Variants in ZFPM2 observed in about 807,000 individuals in gnomAD.
ZFPM2 encodes zinc finger protein ZFPM2.
A neutral mutation model predicts 98.6 loss-of-function variants in ZFPM2; 20 were observed. The ratio of observed to expected loss-of-function variants is 0.20; its 90% CI spans 0.14 to 0.29. The LOEUF is 0.29. Among genes scored for constraint, ZFPM2 ranks in the 10% least tolerant of loss-of-function variants. The pLI is 1.00. For synonymous variants in ZFPM2, 518 were observed against 502.7 expected (o/e 1.03, Z -0.41); for missense variants, 1,310 against 1,388.6 (o/e 0.94, Z 0.90).
chr8:105,364,491 T>A (rs1810471362), intron 1 of ZFPM2, among the ~76,000 whole-genome samples: 1 of 152,018 alleles, frequency 6.6e-6, no homozygotes, highest in Non-Finnish European at 1.5e-5. Context: ...TTAGTAAAGA[T>A]CTTATATTCA....
At chr8:105,557,246 T>C (rs2130686622) in intron 3 of ZFPM2, among the ~76,000 whole-genome samples, 1 of 152,282 alleles carries the variant, frequency 6.6e-6, no homozygotes, top group East Asian at 1.9e-4. Flanking sequence ...TGATATACTC[T>C]TTAATCCTAT....
intron 3 of ZFPM2, among the ~76,000 whole-genome samples, chr8:105,458,560 A>C (rs1812643112): frequency 6.6e-6 from 1 of 152,240 alleles, no homozygotes; most frequent in Non-Finnish European, 1.5e-5. Flanking sequence ...TCAGGGATGG[A>C]GACATGTTGC....
intron 1 of ZFPM2, among the ~76,000 whole-genome samples, chr8:105,349,709 C>G (rs1335488887): frequency 6.6e-6 from 1 of 152,148 alleles, no homozygotes; most frequent in Non-Finnish European, 1.5e-5. Context: ...TTGATGTGTA[C>G]TGACCCCAAT....
chr8:105,600,363 C>T (rs1342228250), intron 4 of ZFPM2, among the ~76,000 whole-genome samples: 1 of 151,794 alleles, frequency 6.6e-6, no homozygotes, highest in Non-Finnish European at 1.5e-5. Context: ...AGTTTATAAA[C>T]CAAGAGAAAG....
At chr8:105,643,540 G>A (rs1586169554) in intron 5 of ZFPM2, among the ~76,000 whole-genome samples, 1 of 152,040 alleles carries the variant, frequency 6.6e-6, no homozygotes, top group East Asian at 1.9e-4. Context: ...GAAGTACCTA[G>A]AATAGTGTCT....
intron 4 of ZFPM2, among the ~76,000 whole-genome samples, chr8:105,601,987 G>T (rs1285281045): frequency 6.6e-6 from 1 of 152,028 alleles, no homozygotes; most frequent in African/African-American, 2.4e-5. Flanking sequence ...ATTTGTTATG[G>T]CCTCTGATTT....
At chr8:105,472,888 CCTTT>C (rs1403807692) in intron 3 of ZFPM2, among the ~76,000 whole-genome samples, 15 of 110,402 alleles carry the variant, frequency 1.4e-4, no homozygotes, top group African/African-American at 4.6e-4. Context: ...CCTAAAGGGA[CCTTT>C]TTTTTTTTTT....
chr8:105,713,655 G>T (rs1311187032), intron 5 of ZFPM2, among the ~76,000 whole-genome samples: 1 of 151,952 alleles, frequency 6.6e-6, no homozygotes, highest in Non-Finnish European at 1.5e-5. Context: ...TGTGGTGAGA[G>T]GTAGGCATCC....
chr8:105,487,226 C>G (rs1813247396), intron 3 of ZFPM2, among the ~76,000 whole-genome samples: 1 of 152,180 alleles, frequency 6.6e-6, no homozygotes, highest in Non-Finnish European at 1.5e-5. Context: ...GATCCTCCCA[C>G]CGCAGCCTCC....
intron 4 of ZFPM2, among the ~76,000 whole-genome samples, chr8:105,580,819 CTCTCTCTCTA>C (rs1482260589): frequency 1.7e-5 from 2 of 114,972 alleles, no homozygotes; most frequent in Non-Finnish European, 3.5e-5. Context: ...CTCTCTCTCT[CTCTCTCTCTA>C]TATATATATA....
intron 1 of ZFPM2, among the ~76,000 whole-genome samples, chr8:105,380,409 C>G (rs1810823371): frequency 6.7e-6 from 1 of 149,604 alleles, no homozygotes; most frequent in South Asian, 2.1e-4. Context: ...TTGGGGCTGG[C>G]CTGGTGGGCT....
intron 3 of ZFPM2, among the ~76,000 whole-genome samples, chr8:105,544,521 C>G (rs557061079): frequency 6.6e-6 from 1 of 152,300 alleles, no homozygotes; most frequent in East Asian, 1.9e-4. Context: ...TAAACTTCAG[C>G]TCTGGCCCTG....
chr8:105,339,978 C>T (rs540695441), intron 1 of ZFPM2, among the ~76,000 whole-genome samples: 7 of 151,892 alleles, frequency 4.6e-5, no homozygotes, highest in African/African-American at 1.7e-4. Context: ...TCTGTTGTTA[C>T]AGGATTTGAA....
intron 2 of ZFPM2, among the ~76,000 whole-genome samples, chr8:105,431,500 A>G (rs1366692604): frequency 1.3e-5 from 2 of 152,160 alleles, no homozygotes; most frequent in East Asian, 3.9e-4. Flanking sequence ...AAACACAGGG[A>G]AGGTCCTGGA....
intron 5 of ZFPM2, among the ~76,000 whole-genome samples, chr8:105,769,224 C>CTTA (rs974487427): frequency 2.6e-5 from 4 of 151,970 alleles, no homozygotes; most frequent in African/African-American, 7.2e-5. Context: ...CACCCATTAT[C>CTTA]TTACATTTAT....
intron 5 of ZFPM2, among the ~76,000 whole-genome samples, chr8:105,682,219 C>G (rs77362000): frequency 6.6e-6 from 1 of 152,094 alleles, no homozygotes; most frequent in African/African-American, 2.4e-5. Context: ...AGGAAGGGAA[C>G]CAATTGGTGG....
intron 3 of ZFPM2, among the ~76,000 whole-genome samples, chr8:105,493,819 A>C (rs1303118093): frequency 1.3e-5 from 2 of 152,124 alleles, no homozygotes; most frequent in African/African-American, 4.8e-5. Flanking sequence ...CCTTATAAAA[A>C]GTATCCTCCT....
chr8:105,605,258 C>G (rs1458171344), intron 4 of ZFPM2, among the ~76,000 whole-genome samples: 3 of 152,016 alleles, frequency 2.0e-5, no homozygotes, highest in Non-Finnish European at 4.4e-5. Flanking sequence ...CAAGATTAGT[C>G]AATACAATTC....
At chr8:105,570,125 G>A (rs1434269462) in intron 4 of ZFPM2, among the ~76,000 whole-genome samples, 1 of 151,928 alleles carries the variant, frequency 6.6e-6, no homozygotes, top group African/African-American at 2.4e-5. Flanking sequence ...CCTTAGGGAG[G>A]GCAAGATCCT....
Sources: allele counts gnomAD v4.1 joint callset (sites outside exome capture counted in the v4.1 genomes callset), GRCh38; gene constraint gnomAD v4.1.1; transcripts MANE v1.5; gene names NCBI Gene and HGNC (gene_info 2026-07-23, HGNC 2026-07-21).